The following ENOX2 variants were observed in gnomAD, a reference collection of about 807,000 sequenced individuals.
ENOX2 encodes the protein ecto-NOX disulfide-thiol exchanger 2, also known as APK1 antigen.
In ENOX2, 36 loss-of-function variants were observed where a neutral mutation model predicts 45.0. The observed-to-expected ratio is 0.80, with a 90% CI of 0.61 to 1.06. The LOEUF (loss-of-function observed/expected upper bound fraction) is 1.06, where lower values mean the gene tolerates loss of function less well. Among genes scored for constraint, ENOX2 ranks in the 50% least tolerant of loss-of-function variants. ENOX2 has a pLI of 0.00. For missense variants in ENOX2, 423 were observed against 462.5 expected, an observed-to-expected ratio of 0.91 and a Z score of 0.78; for synonymous variants, 174 against 152.3, an observed-to-expected ratio of 1.14 and a Z score of -1.05.
chrX:130,690,674 C>T (rs1016614059), intron 4 of ENOX2, among the ~76,000 whole-genome samples: 1 of 111,156 alleles, frequency 9.0e-6, no homozygotes, highest in South Asian at 3.9e-4. Flanking sequence ...TTAAAGTGGC[C>T]CTGAAGTCCC....
chrX:130,633,070 G>C (rs1432272932), intron 12 of ENOX2, among the ~76,000 whole-genome samples: 3 of 111,828 alleles, frequency 2.7e-5, no homozygotes, highest in East Asian at 2.8e-4. Flanking sequence ...TTTTATTATA[G>C]CTGGCATTTA....
intron 3 of ENOX2, among the ~76,000 whole-genome samples, chrX:130,756,718 G>A (rs996606960): frequency 8.9e-6 from 1 of 112,101 alleles, no homozygotes; most frequent in Admixed American, 9.5e-5. Flanking sequence ...CCTAAACTGT[G>A]TTCAATAAAT....
intron 3 of ENOX2, among the ~76,000 whole-genome samples, chrX:130,780,373 T>G (rs1240514284): frequency 8.9e-6 from 1 of 111,848 alleles, no homozygotes; most frequent in Non-Finnish European, 1.9e-5. Flanking sequence ...AGCATAGTAG[T>G]TAGAAATAGA....
chrX:130,760,666 G>A (rs760341872), intron 3 of ENOX2, among the ~76,000 whole-genome samples: 1 of 106,197 alleles, frequency 9.4e-6, no homozygotes, highest in Non-Finnish European at 1.9e-5. Flanking sequence ...GGTGCCTGTA[G>A]TCCCAGCTAC....
chrX:130,878,747 T>C (rs1198701689), intron 2 of ENOX2, among the ~76,000 whole-genome samples: 1 of 112,327 alleles, frequency 8.9e-6, no homozygotes, highest in Non-Finnish European at 1.9e-5. Flanking sequence ...TCCATATCCA[T>C]GTCAGTTACT....
At chrX:130,780,189 A>G (rs1460424182) in intron 3 of ENOX2, among the ~76,000 whole-genome samples, 2 of 111,371 alleles carry the variant, frequency 1.8e-5, no homozygotes, top group Non-Finnish European at 3.8e-5. Flanking sequence ...GAAAAGAGGA[A>G]CCATGAGATC....
intron 10 of ENOX2, among the ~76,000 whole-genome samples, chrX:130,653,639 T>C (rs1234070585): frequency 8.9e-6 from 1 of 112,306 alleles, no homozygotes; most frequent in African/African-American, 3.2e-5. Flanking sequence ...CTTGCCCTGC[T>C]GCATTCTAAT....
chrX:130,709,435 T>A, intron 3 of ENOX2: 1 of 531,520 alleles, frequency 1.9e-6, no homozygotes, highest in Non-Finnish European at 3.3e-6. Context: ...GGTCAGGAGT[T>A]CAAGACCAGC....
At chrX:130,826,238 A>G (rs1160198062) in intron 2 of ENOX2, among the ~76,000 whole-genome samples, 1 of 112,101 alleles carries the variant, frequency 8.9e-6, no homozygotes, top group African/African-American at 3.2e-5. Flanking sequence ...ACATTATGTC[A>G]ACTCTGAACC....
chrX:130,699,627 G>A (rs1221570274), intron 4 of ENOX2, among the ~76,000 whole-genome samples: 2 of 111,480 alleles, frequency 1.8e-5, no homozygotes, highest in African/African-American at 6.5e-5. Context: ...TCAGGGAGAT[G>A]TTTTAACCCA....
chrX:130,731,906 T>G (rs2038746561), intron 3 of ENOX2, among the ~76,000 whole-genome samples: 1 of 111,802 alleles, frequency 8.9e-6, no homozygotes, highest in African/African-American at 3.2e-5. Context: ...CACTCAATAG[T>G]GAAAAACTGA....
intron 10 of ENOX2, among the ~76,000 whole-genome samples, chrX:130,639,333 G>C (rs1394297962): frequency 8.9e-6 from 1 of 111,911 alleles, no homozygotes; most frequent in East Asian, 2.8e-4. Flanking sequence ...GTGTGGGTGG[G>C]GGGTGATGGT....
intron 2 of ENOX2, among the ~76,000 whole-genome samples, chrX:130,837,313 A>C (rs1334271837): frequency 8.9e-6 from 1 of 111,893 alleles, no homozygotes; most frequent in Non-Finnish European, 1.9e-5. Context: ...CAGCTCATCT[A>C]CAGTAACAGA....
chrX:130,717,049 G>C (rs2038348384), intron 3 of ENOX2, among the ~76,000 whole-genome samples: 1 of 112,011 alleles, frequency 8.9e-6, no homozygotes, highest in Admixed American at 9.5e-5. Context: ...GATTGGCAGA[G>C]CAAATTTGAT....
intron 2 of ENOX2, among the ~76,000 whole-genome samples, chrX:130,798,330 C>T (rs1260340121): frequency 1.8e-5 from 2 of 112,679 alleles, no homozygotes; most frequent in Non-Finnish European, 3.7e-5. Context: ...TTGAGAAACA[C>T]AGTTCTAAAT....
At chrX:130,814,480 CTTCATACAGG>C (rs2077447441) in intron 2 of ENOX2, among the ~76,000 whole-genome samples, 1 of 111,849 alleles carries the variant, frequency 8.9e-6, no homozygotes, top group African/African-American at 3.3e-5. Context: ...TCGACAGACA[CTTCATACAGG>C]AGAGCTCCGG....
chrX:130,775,402 TA>T (rs1481792611), intron 3 of ENOX2, among the ~76,000 whole-genome samples: 1 of 109,955 alleles, frequency 9.1e-6, no homozygotes, highest in Admixed American at 9.7e-5. Flanking sequence ...ACTAATATTA[TA>T]AAAAAATAAA....
At chrX:130,655,542 C>T (rs1172365313) in intron 10 of ENOX2, among the ~76,000 whole-genome samples, 1 of 111,942 alleles carries the variant, frequency 8.9e-6, no homozygotes, top group East Asian at 2.8e-4. Flanking sequence ...CAGTATACAA[C>T]TATATCTCCA....
At chrX:130,883,795 C>T (rs1418354576) in intron 2 of ENOX2, among the ~76,000 whole-genome samples, 8 of 111,444 alleles carry the variant, frequency 7.2e-5, no homozygotes, top group African/African-American at 2.6e-4. Flanking sequence ...GACTCAACTT[C>T]AGCTCCCTGA....
Sources: allele counts gnomAD v4.1 joint callset (sites outside exome capture counted in the v4.1 genomes callset), GRCh38; gene constraint gnomAD v4.1.1; transcripts MANE v1.5; gene names NCBI Gene and HGNC (gene_info 2026-07-23, HGNC 2026-07-21).